Variants in CENPH observed in about 807,000 individuals in gnomAD.
The protein encoded by CENPH is centromere protein H.
In CENPH, 40 loss-of-function variants were observed where a neutral mutation model predicts 42.9. The observed-to-expected ratio is 0.93, with a 90% CI of 0.72 to 1.21. The LOEUF is 1.21. Among genes scored for constraint, CENPH ranks in the 50% most tolerant of loss-of-function variants. The pLI is 0.00. For missense variants in CENPH, 302 were observed against 292.9 expected (o/e 1.03, Z -0.23); for synonymous variants, 88 against 96.5 (o/e 0.91, Z 0.52).
At chr5:69,199,827 G>C (rs1484550736) in intron 5 of CENPH, among the ~76,000 whole-genome samples, 1 of 152,008 alleles carries the variant, frequency 6.6e-6, no homozygotes, top group African/African-American at 2.4e-5. Context: ...AAAACAGAAG[G>C]GTCAGGCCGG....
In CENPH at chr5:69,197,201, A is replaced by T. The variant is rs916928136; in HGVS notation, c.371+92A>T. 3 of 696,122 alleles carry T rather than the reference A, an allele frequency of 4.3e-6. No individual in the cohort carries two copies. In the African/African-American group the frequency reaches 5.6e-5, roughly 13 times the overall value. 43.1% of individuals were successfully genotyped at this position (696,122 alleles called of 1,614,324 possible). ...TTTTAAAAAATTATTACTGCCAACT[A>T]CCTTTGTCTGGGGAATAAGGAAAGT... On this transcript the variant is annotated intron_variant, in intron 5 of 8. Coordinates refer to ENST00000283006, the MANE Select transcript of CENPH (RefSeq NM_022909.4).
chr5:69,194,936 T>TA (rs1243486203), intron 3 of CENPH, among the ~76,000 whole-genome samples: 1 of 140,716 alleles, frequency 7.1e-6, no homozygotes, highest in Admixed American at 7.2e-5. Flanking sequence ...TTTTTTTTTT[T>TA]AAATATTTTA....
chr5:69,194,518 C>T, intron 2 of CENPH, 129 bp from the exon 3 acceptor site: 1 of 539,866 alleles, frequency 1.9e-6, no homozygotes. Flanking sequence ...TTAAATTTCA[C>T]TGTTTCTTTT....
intron 5 of CENPH, among the ~76,000 whole-genome samples, chr5:69,199,425 G>A (rs952608468): frequency 6.6e-6 from 1 of 152,150 alleles, no homozygotes; most frequent in Admixed American, 6.6e-5. Flanking sequence ...ATCCACCTGC[G>A]TTGGCCTTCC....
intron 5 of CENPH, among the ~76,000 whole-genome samples, chr5:69,200,736 T>TTTTTG (rs1748045755): frequency 9.5e-6 from 1 of 105,094 alleles, no homozygotes; most frequent in Non-Finnish European, 2.0e-5. Context: ...TTTTTTTTTT[T>TTTTTG]TTTTTTTTTT....
chr5:69,197,834 T>C (rs971036559), intron 5 of CENPH, among the ~76,000 whole-genome samples: 3 of 149,696 alleles, frequency 2.0e-5, no homozygotes, highest in African/African-American at 7.3e-5. Context: ...ATAAAAATTA[T>C]TATGAGCAAA....
chr5:69,197,289 G>T, intron 5 of CENPH, 180 bp downstream of exon 5: 1 of 433,486 alleles, frequency 2.3e-6, no homozygotes. Context: ...ATTATATTTT[G>T]TTCCGTATGG....
rs1421979069 is a variant in CENPH at position 69,208,239 on chromosome 5, T to A, written c.531T>A (p.Thr177=). The change falls in exon 8 of 9, where the codon ACT becomes ACA. Residue 177 remains threonine, a synonymous_variant. Coordinates refer to ENST00000283006, the MANE Select transcript of CENPH (RefSeq NM_022909.4). The stretch of plus-strand genomic sequence containing the variant: ...AAAGTAAGCTTTTAGAAATACAGAC[T>A]GAAAAGAACAAACAGAAGATTGATT... ...ASESKLLEIQ[T]EKNKQKIDLD... 1 of 1,590,102 alleles carries A rather than the reference T, an allele frequency of 6.3e-7. No individual in the cohort carries two copies. The highest frequency in any genetic ancestry group is 2.2e-5 in the East Asian group (1 of 44,604).
chr5:69,189,836 A>G, intron 1 of CENPH, 68 bp downstream of exon 1: 1 of 1,405,894 alleles, frequency 7.1e-7, no homozygotes, highest in Admixed American at 3.0e-5. Context: ...GCCCTTGCTC[A>G]GAAGGGCTAG....
At chr5:69,195,896 A>AAGCG in intron 4 of CENPH, 105 bp downstream of exon 4, 2 of 394,858 alleles carry the variant, frequency 5.1e-6, no homozygotes, top group South Asian at 9.7e-5. Flanking sequence ...TTAGTCAAGC[A>AAGCG]CAGTGATGAT....
chr5:69,191,732 T>C, intron 1 of CENPH, 63 bp from the exon 2 acceptor site: 3 of 907,742 alleles, frequency 3.3e-6, no homozygotes, highest in Middle Eastern at 2.1e-4. Context: ...GTTCGTCATG[T>C]GGTAATGAGT....
intron 7 of CENPH, among the ~76,000 whole-genome samples, chr5:69,203,782 C>T (rs902507126): frequency 5.9e-5 from 9 of 151,628 alleles, no homozygotes; most frequent in African/African-American, 1.9e-4. Context: ...GGATTACAGG[C>T]GTGAGCCACA....
In CENPH at chr5:69,189,588, C is replaced by G. The variant is rs1476455279; in HGVS notation, c.-47C>G. 6.6e-7 allele frequency: 1 copy of G among 1,515,418 alleles called. No homozygotes were observed. The allele number at this position is 1,515,418 out of a possible 1,614,324, so 93.9% of individuals were successfully genotyped here. ...TTAGTGGCGGGAAAAGCGACCTTTTCTGAGCGCGTTTGCCTGTTGAGTGGT... is the reference window on the plus strand; with the variant it reads ...TTAGTGGCGGGAAAAGCGACCTTTTGTGAGCGCGTTTGCCTGTTGAGTGGT... On this transcript the variant is annotated 5_prime_UTR_variant, in exon 1 of 9. Coordinates refer to ENST00000283006, the MANE Select transcript of CENPH (RefSeq NM_022909.4).
chr5:69,202,698 G>A, intron 6 of CENPH, 129 bp downstream of exon 6: 2 of 684,162 alleles, frequency 2.9e-6, no homozygotes, highest in Admixed American at 2.9e-5. Context: ...CGCTGTCCTT[G>A]AGTTCTCTCT....
intron 7 of CENPH, among the ~76,000 whole-genome samples, chr5:69,204,118 A>C (rs956296918): frequency 1.6e-5 from 2 of 123,158 alleles, no homozygotes; most frequent in African/African-American, 6.1e-5. Context: ...ATATGTATGG[A>C]TCTACAGCCT....
At chr5:69,206,937 G>A (rs935976343) in intron 7 of CENPH, among the ~76,000 whole-genome samples, 4 of 151,822 alleles carry the variant, frequency 2.6e-5, no homozygotes, top group African/African-American at 7.3e-5. Flanking sequence ...GGGTGGTCTC[G>A]AACTTCTGGC....
intron 7 of CENPH, among the ~76,000 whole-genome samples, chr5:69,206,886 A>T (rs553198098): frequency 8.2e-5 from 12 of 145,836 alleles, no homozygotes; most frequent in African/African-American, 3.1e-4. Context: ...CTATTCCCCC[A>T]TGTTTTTTTA....
chr5:69,203,007 T>C (rs1472237059), intron 7 of CENPH, 37 bp downstream of exon 7: 9 of 1,427,876 alleles, frequency 6.3e-6, no homozygotes, highest in Non-Finnish European at 8.8e-6. Flanking sequence ...GAACACATTT[T>C]GCTTACTTTA....
intron 3 of CENPH, among the ~76,000 whole-genome samples, chr5:69,194,939 A>G (rs77474232): frequency 1.4e-5 from 2 of 147,806 alleles, no homozygotes; most frequent in Non-Finnish European, 3.0e-5. Flanking sequence ...TTTTTTTTAA[A>G]TATTTTAGGG....
Sources: allele counts gnomAD v4.1 joint callset (sites outside exome capture counted in the v4.1 genomes callset), GRCh38; gene constraint gnomAD v4.1.1; transcripts MANE v1.5; gene names NCBI Gene and HGNC (gene_info 2026-07-23, HGNC 2026-07-21).